SNX1: variants seen among roughly 807,000 people sequenced by gnomAD.
SNX1 encodes the protein sorting nexin-1.
A neutral mutation model predicts 71.8 loss-of-function variants in SNX1; 36 were observed. The observed-to-expected ratio is 0.50, with a 90% CI of 0.38 to 0.66. The LOEUF (loss-of-function observed/expected upper bound fraction) is 0.66, where lower values mean the gene tolerates loss of function less well. Ranked by LOEUF, SNX1 falls within the 30% of genes least tolerant of loss-of-function variation. The pLI is 0.00. For missense variants in SNX1, 612 were observed against 646.7 expected (o/e 0.95, Z 0.58); for synonymous variants, 254 against 240.7 (o/e 1.06, Z -0.51).
chr15:64,124,178 A>ATATATATATATATATG (rs1445871067), intron 5 of SNX1, among the ~76,000 whole-genome samples: 10 of 123,564 alleles, frequency 8.1e-5, no homozygotes, highest in Middle Eastern at 4.2e-3. Flanking sequence ...ATATATATAT[A>ATATATATATATATATG]TGACTGTTTT....
Position 64,137,843 on chromosome 15 carries a change from C to CTACAA in SNX1, c.*228_*232dup. Reference sequence around the variant, plus strand: ...TAGTTTCCTGCTTTAAGCAAAAGACCTACAATAGGTGGTGGAATTATGGGA... The same window carrying CTACAA: ...TAGTTTCCTGCTTTAAGCAAAAGACCTACAATACAATAGGTGGTGGAATTATGGGA... On this transcript the variant is annotated 3_prime_UTR_variant, in exon 15 of 15. Transcript: ENST00000559844. 1.4e-6 allele frequency: 2 copies of CTACAA among 1,411,862 alleles called. No homozygotes were observed. Among genetic ancestry groups the CTACAA allele is most frequent in the Non-Finnish European group, 1.8e-6 (2 of 1,086,228 alleles). 87.5% of individuals were successfully genotyped at this position (1,411,862 alleles called of 1,614,324 possible).
At position 64,137,651 on chromosome 15, in the gene SNX1, C is replaced by G; in HGVS notation, c.*33C>G. 5.6e-6 allele frequency: 9 copies of G among 1,614,064 alleles called. No individual in the cohort carries two copies. Among genetic ancestry groups the G allele is most frequent in the Non-Finnish European group, 7.6e-6 (9 of 1,179,978 alleles). On this transcript the variant is annotated 3_prime_UTR_variant, in exon 15 of 15. Coordinates refer to ENST00000559844, the MANE Select transcript of SNX1 (RefSeq NM_003099.5). ...AGGACCCCAGAGCCCACCTGTGTGA[C>G]GCTGCCTTTTTATACACTGTCCTCC...
In SNX1 at chr15:64,140,277, T is replaced by G. The variant is rs2081400302; in HGVS notation, c.*2659T>G. The G allele has an allele frequency of 6.6e-6, 1 of 152,252 alleles. No individual in the cohort carries two copies. Among genetic ancestry groups the G allele is most frequent in the Non-Finnish European group, 1.5e-5 (1 of 68,040 alleles). The allele number at this position is 152,252 out of a possible 1,614,324, so 9.4% of individuals were successfully genotyped here. On this transcript the variant is annotated 3_prime_UTR_variant, in exon 15 of 15. Transcript: ENST00000559844. Reference sequence around the variant, plus strand: ...ATTCTACATACAAAGAAAAACATCCTTTCTCACCATTTATTTATTCACTTG... The same window carrying G: ...ATTCTACATACAAAGAAAAACATCCGTTCTCACCATTTATTTATTCACTTG...
At chr15:64,106,878 CT>C (rs1457448963) in intron 1 of SNX1, among the ~76,000 whole-genome samples, 2 of 152,156 alleles carry the variant, frequency 1.3e-5, no homozygotes, top group Non-Finnish European at 2.9e-5. Flanking sequence ...ACCCATTGGA[CT>C]TTTTCAGAAC....
intron 4 of SNX1, among the ~76,000 whole-genome samples, chr15:64,119,990 T>A (rs2081179245): frequency 6.6e-6 from 1 of 152,162 alleles, no homozygotes; most frequent in Non-Finnish European, 1.5e-5. Flanking sequence ...TGAAGTTAGA[T>A]CTTCAAAAAG....
chr15:64,136,402 C>T lies in SNX1; in HGVS notation c.1438C>T (p.Arg480Trp), dbSNP rs150339032. 5.9e-5 allele frequency: 95 copies of T among 1,613,382 alleles called. No homozygotes were observed. Among genetic ancestry groups the T allele is most frequent in the East Asian group, 1.3e-4 (6 of 44,888 alleles). Residue 480 changes from arginine (R) to tryptophan (W), a missense_variant, in exon 13 of 15, where the codon CGG (arginine) becomes TGG (tryptophan). Around this residue, in one of 2 missense-constraint regions of SNX1, gnomAD observed 296 missense variants for 361.9 expected, o/e 0.82. Transcript: ENST00000559844. Reference sequence around the variant, plus strand: ...AACAGTGGTCCGAAAAGAAGTGATACGGTTTGAGGTGAGATAGAAAATCCT... The same window carrying T: ...AACAGTGGTCCGAAAAGAAGTGATATGGTTTGAGGTGAGATAGAAAATCCT... ...ISTVVRKEVI[R>W]FEKEKSKDFK... is the part of the protein sequence containing the mutation.
In SNX1 at chr15:64,137,565, C is replaced by T. The variant is rs968834355; in HGVS notation, c.1519-3C>T. The T allele has an allele frequency of 1.9e-6, 3 of 1,614,142 alleles. No homozygotes were observed. The highest frequency in any genetic ancestry group is 1.1e-5 in the South Asian group (1 of 91,082). ...CTTGCTTAATGTCCCCACTTCTTTG[C>T]AGCTGGCAAAGTACTGGGAAGCCTT... On this transcript the variant is annotated splice_region_variant and splice_polypyrimidine_tract_variant and intron_variant, in intron 14 of 14. Transcript: ENST00000559844.
chr15:64,117,394 C>T (rs1173277064), intron 2 of SNX1, among the ~76,000 whole-genome samples: 1 of 152,108 alleles, frequency 6.6e-6, no homozygotes, highest in East Asian at 1.9e-4. Flanking sequence ...GCTAGGACTA[C>T]AGGCTCAGGC....
chr15:64,136,502 G>A, intron 13 of SNX1, 92 bp downstream of exon 13: 1 of 1,137,590 alleles, frequency 8.8e-7, no homozygotes, highest in Non-Finnish European at 1.3e-6. Flanking sequence ...TAAAGAGAGA[G>A]GTGCCAGTAA....
chr15:64,118,034 T>C, intron 2 of SNX1, 83 bp from the exon 3 acceptor site: 1 of 1,331,274 alleles, frequency 7.5e-7, no homozygotes, highest in Non-Finnish European at 1.1e-6. Flanking sequence ...TTGCTATTGT[T>C]CTTGTAAGTT....
intron 4 of SNX1, among the ~76,000 whole-genome samples, chr15:64,121,360 T>C (rs1177583624): frequency 1.3e-5 from 2 of 152,202 alleles, no homozygotes. Context: ...TTCATGCCTC[T>C]CTCCCAGCTT....
Position 64,137,619 on chromosome 15 carries a change from T to G in SNX1, c.*1T>G. On this transcript the variant is annotated 3_prime_UTR_variant, in exon 15 of 15. Coordinates refer to ENST00000559844, the MANE Select transcript of SNX1 (RefSeq NM_003099.5). ...TCCTGAGGCAAAGGCCATCTCCTAA[T>G]GGACCAAGGACCCCAGAGCCCACCT... The G allele has an allele frequency of 6.2e-7, 1 of 1,614,194 alleles. No individual in the cohort carries two copies. The highest frequency in any genetic ancestry group is 8.5e-7 in the Non-Finnish European group (1 of 1,180,004).
intron 1 of SNX1, among the ~76,000 whole-genome samples, chr15:64,110,162 G>A (rs1242274959): frequency 1.3e-5 from 2 of 151,956 alleles, no homozygotes; most frequent in African/African-American, 4.8e-5. Context: ...GGCAGTAGAG[G>A]GGAAAAAACA....
intron 1 of SNX1, among the ~76,000 whole-genome samples, chr15:64,105,507 A>G (rs1283890122): frequency 6.6e-6 from 1 of 152,242 alleles, no homozygotes; most frequent in African/African-American, 2.4e-5. Flanking sequence ...CTCCAGGAAA[A>G]GCTGTTGCTC....
chr15:64,122,836 A>G (rs964203421), intron 4 of SNX1, among the ~76,000 whole-genome samples: 1 of 152,198 alleles, frequency 6.6e-6, no homozygotes, highest in Non-Finnish European at 1.5e-5. Flanking sequence ...GAGAAAAACA[A>G]TAGCTTGAAT....
At chr15:64,097,285 G>A (rs1166562185) in intron 1 of SNX1, among the ~76,000 whole-genome samples, 2 of 152,212 alleles carry the variant, frequency 1.3e-5, no homozygotes, top group African/African-American at 2.4e-5. Flanking sequence ...TTTGCCACTC[G>A]GGCGTGGGCA....
intron 4 of SNX1, among the ~76,000 whole-genome samples, chr15:64,121,001 T>C (rs2140147462): frequency 6.6e-6 from 1 of 152,288 alleles, no homozygotes; most frequent in East Asian, 1.9e-4. Context: ...TAGGGCACAG[T>C]GTGGCCCATG....
At chr15:64,114,483 G>A (rs1054828844) in intron 2 of SNX1, among the ~76,000 whole-genome samples, 31 of 152,306 alleles carry the variant, frequency 2.0e-4, no homozygotes, top group African/African-American at 7.2e-4. Flanking sequence ...GTAAGCTTTG[G>A]TTTTAGATAC....
At position 64,129,036 on chromosome 15, in the gene SNX1, C is replaced by G. The variant is rs2081280701; in HGVS notation, c.808-880C>G. Among the ~76,000 whole-genome samples the G allele has an allele frequency of 6.6e-6, 1 of 152,136 alleles. No homozygotes were observed. The highest frequency in any genetic ancestry group is 2.4e-5 in the African/African-American group (1 of 41,402). ...CTGAGGCAGGAGGATCACCTGAGGT[C>G]AGGAGTTCGAGACCAGCCTGGCCAA... On this transcript the variant is annotated intron_variant, in intron 8 of 14. Transcript: ENST00000559844. This position sits in a 1 kb window ranked among gnomAD's most constrained non-coding sequence, Gnocchi z 4.4.
Sources: gnomAD v4.1 joint callset for allele counts (sites outside exome capture counted in the v4.1 genomes callset) on GRCh38, gnomAD v4.1.1 for gene constraint, gnomAD v4.1.1 regional missense constraint, Gnocchi (gnomAD v3.1) non-coding constraint, MANE v1.5 for transcripts, NCBI Gene and HGNC (gene_info 2026-07-23, HGNC 2026-07-21) for gene names.